Variants in PDXDC1 observed in about 807,000 individuals in gnomAD.
PDXDC1 encodes the protein pyridoxal-dependent decarboxylase domain-containing protein 1.
PDXDC1 carries 42 observed loss-of-function variants against 100.1 expected under a neutral mutation model. The ratio of observed to expected loss-of-function variants is 0.42; its 90% confidence interval spans 0.33 to 0.54. The LOEUF (loss-of-function observed/expected upper bound fraction) is 0.54. PDXDC1 is among the 20% of genes least tolerant of loss of function. The pLI, the probability that PDXDC1 is intolerant of heterozygous loss-of-function variation, is 0.10. For synonymous variants in PDXDC1, 260 were observed against 371.7 expected, an observed-to-expected ratio of 0.70 and a Z score of 3.46; for missense variants, 636 against 979.2, an observed-to-expected ratio of 0.65 and a Z score of 4.68.
In PDXDC1 at chr16:15,131,414, G is replaced by A. The variant is rs1490442831; in HGVS notation, c.1400-7465G>A. ...AAGATGAGCTGCACCACGTCACTGA[G>A]GTTAGCCGGGGCCCTGCTGAAAGCC... On this transcript the variant is annotated intron_variant, in intron 16 of 16. Transcript: ENST00000535621. The A allele has an allele frequency of 1.9e-6, 3 of 1,607,602 alleles. No individual in the cohort carries two copies. The African/African-American group carries it at 4.0e-5, about 21-fold the overall frequency.
At chr16:15,071,047 T>C (rs1383300241) in intron 16 of PDXDC1, 31 of 1,340,992 alleles carry the variant, frequency 2.3e-5, no homozygotes, top group Non-Finnish European at 3.1e-6. Flanking sequence ...TGGGAGATAT[T>C]TCTGACTTGA....
intron 16 of PDXDC1, chr16:15,083,739 G>T (rs184110233): frequency 1.0e-6 from 1 of 989,766 alleles, no homozygotes; most frequent in East Asian, 2.9e-5. Context: ...TTTTTGAGAC[G>T]GAGTTTCGCT....
chr16:15,125,367 A>T (rs1451504993), intron 16 of PDXDC1: 17 of 719,200 alleles, frequency 2.4e-5, no homozygotes, highest in Non-Finnish European at 3.6e-5. Flanking sequence ...GGGATGTGTC[A>T]CACACACAGC....
At position 15,135,906 on chromosome 16, in the gene PDXDC1, G is replaced by A. The variant is rs1023725337; in HGVS notation, c.1400-2973G>A. Reference sequence around the variant, plus strand: ...TAGTGCCCCACAGGCAGCGCCAGCCGCGGCAGCACCAGCTGAGGCCGGCTC... The same window carrying A: ...TAGTGCCCCACAGGCAGCGCCAGCCACGGCAGCACCAGCTGAGGCCGGCTC... On this transcript the variant is annotated intron_variant, in intron 16 of 16. Transcript: ENST00000535621. 352 of 1,583,856 alleles carry A rather than the reference G, an allele frequency of 2.2e-4. 1 individual carries two copies. The highest frequency in any genetic ancestry group is 2.2e-4 in the Admixed American group (13 of 59,336).
intron 3 of PDXDC1, among the ~76,000 whole-genome samples, chr16:15,000,596 A>G (rs1030821328): frequency 3.3e-5 from 5 of 152,286 alleles, no homozygotes; most frequent in South Asian, 2.1e-4. Flanking sequence ...TCCTGTTGCA[A>G]GTTGCCTTGC....
intron 16 of PDXDC1, among the ~76,000 whole-genome samples, chr16:15,088,491 C>T (rs1011807582): frequency 3.9e-5 from 6 of 152,088 alleles, no homozygotes; most frequent in East Asian, 1.9e-4. Flanking sequence ...GTTCTACTTG[C>T]AACACTCCAC....
At chr16:15,145,123 G>A in the PDXDC1 span, among the ~76,000 whole-genome samples, 3 of 152,268 alleles carry the variant, frequency 2.0e-5, no homozygotes, top group Admixed American at 6.5e-5. Flanking sequence ...ACACCTCCCC[G>A]GGCAGCCAGC....
At chr16:15,030,544 CAAAAA>C (rs1156634836) in intron 16 of PDXDC1, among the ~76,000 whole-genome samples, 20 of 38,378 alleles carry the variant, frequency 5.2e-4, no homozygotes, top group African/African-American at 2.0e-3. Context: ...GACTCCATCT[CAAAAA>C]AAAAAAAAAA....
At chr16:14,980,482 T>TTTTTTTA (rs1222479783) in intron 1 of PDXDC1, among the ~76,000 whole-genome samples, 121 of 152,316 alleles carry the variant, frequency 7.9e-4, no homozygotes, top group African/African-American at 2.9e-3. Flanking sequence ...TAATTTTTGT[T>TTTTTTTA]TTTTTTATTT....
downstream of PDXDC1, chr16:15,041,497 G>A: frequency 1.3e-6 from 1 of 767,884 alleles, no homozygotes; most frequent in Non-Finnish European, 2.4e-6. Context: ...ACCACAGGAA[G>A]AGCCGGAACA....
chr16:15,060,987 T>A (rs1022910999), intron 16 of PDXDC1: 2 of 152,136 alleles, frequency 1.3e-5, no homozygotes, highest in Non-Finnish European at 2.9e-5. Context: ...TCACTTTCAG[T>A]CTGTGTGAAT....
chr16:15,130,325 C>G (rs778209875), intron 16 of PDXDC1: 55 of 1,547,236 alleles, frequency 3.6e-5, no homozygotes, highest in Non-Finnish European at 4.5e-5. Flanking sequence ...GCCCCTCTGT[C>G]CGCCACACCA....
chr16:15,135,952 C>T, intron 16 of PDXDC1: 1 of 1,577,808 alleles, frequency 6.3e-7, no homozygotes, highest in South Asian at 1.1e-5. Flanking sequence ...CGGGCAGGGC[C>T]ACACGCGCCG....
In PDXDC1 at chr16:15,104,600, C is replaced by G. The variant is rs151160356; in HGVS notation, c.1400-34279C>G. On this transcript the variant is annotated intron_variant, in intron 16 of 16. Transcript: ENST00000535621. Reference sequence around the variant, plus strand: ...GTGGAAGGGGATAGAGCAGACACTCCGCAGGTGTCTTGAGGCTCAGGGAGT... The same window carrying G: ...GTGGAAGGGGATAGAGCAGACACTCGGCAGGTGTCTTGAGGCTCAGGGAGT... The G allele has an allele frequency of 3.4e-4, 546 of 1,596,346 alleles. 1 individual carries two copies. Among genetic ancestry groups the G allele is most frequent in the Non-Finnish European group, 4.2e-4 (499 of 1,177,470 alleles).
intron 16 of PDXDC1, chr16:15,094,906 C>G (rs919627652): frequency 2.6e-5 from 4 of 152,252 alleles, no homozygotes; most frequent in African/African-American, 9.7e-5. Flanking sequence ...GGTGTGATCT[C>G]AGCTCACTGC....
At chr16:15,048,110 A>T (rs571934106) in intron 16 of PDXDC1, 6 of 1,157,504 alleles carry the variant, frequency 5.2e-6, no homozygotes, top group African/African-American at 3.1e-5. Flanking sequence ...CTGTTTAATT[A>T]AAAAAAAAAT....
At chr16:15,024,656 C>A (rs2042451528) in intron 13 of PDXDC1, among the ~76,000 whole-genome samples, 1 of 152,396 alleles carries the variant, frequency 6.6e-6, no homozygotes, top group Middle Eastern at 3.4e-3. Context: ...CGTGATCCAC[C>A]CGCCTCAGCC....
chr16:15,001,506 A>T (rs1207515788), intron 3 of PDXDC1, among the ~76,000 whole-genome samples: 1 of 152,290 alleles, frequency 6.6e-6, no homozygotes, highest in Non-Finnish European at 1.5e-5. Context: ...ATAAATAAAA[A>T]TAAAAAGACT....
chr16:15,083,236 T>C (rs1467894417), intron 16 of PDXDC1, among the ~76,000 whole-genome samples: 3 of 152,022 alleles, frequency 2.0e-5, no homozygotes, highest in African/African-American at 7.2e-5. Flanking sequence ...TTGTCTCTAC[T>C]AAAAATACAA....
Sources: gnomAD v4.1 joint callset for allele counts (sites outside exome capture counted in the v4.1 genomes callset) on GRCh38, gnomAD v4.1.1 for gene constraint, MANE v1.5 for transcripts, NCBI Gene and HGNC (gene_info 2026-07-23, HGNC 2026-07-21) for gene names.